Variants in PRMT2 observed in about 807,000 individuals in gnomAD.
The protein encoded by PRMT2 is protein arginine N-methyltransferase 2.
Under a neutral mutation model 57.6 loss-of-function variants are expected in PRMT2, and 26 were observed. The ratio of observed to expected loss-of-function variants is 0.45; its 90% confidence interval spans 0.33 to 0.63. PRMT2 has a LOEUF of 0.63. PRMT2 is among the 20% of genes least tolerant of loss of function. The probability of loss-of-function intolerance (pLI) is 0.02; values close to 1 mark genes in which losing one functional copy is unlikely to be tolerated. For synonymous variants in PRMT2, 219 were observed against 220.0 expected (o/e 1.00, Z 0.04); for missense variants, 472 against 564.4 (o/e 0.84, Z 1.66).
In PRMT2 at chr21:46,649,412, T is replaced by G; in HGVS notation, c.490-163T>G. The stretch of plus-strand genomic sequence containing the variant: ...GAGGCGGCTCCTTTCTGGGTGCCCC[T>G]GGAGGGGCAGGTGTGGCCAGTCCTC... On this transcript the variant is annotated intron_variant, in intron 6 of 11. Coordinates refer to ENST00000355680, the MANE Select transcript of PRMT2 (RefSeq NM_206962.4). The surrounding 1 kb of genome is among the most constrained non-coding windows in gnomAD (Gnocchi z 4.8). 8.9e-7 allele frequency: 1 copy of G among 1,120,992 alleles called. No homozygotes were observed. The highest frequency in any genetic ancestry group is 1.3e-5 in the South Asian group (1 of 77,628). The allele number at this position is 1,120,992 out of a possible 1,614,324, so 69.4% of individuals were successfully genotyped here.
intron 7 of PRMT2, among the ~76,000 whole-genome samples, chr21:46,650,351 C>G (rs1321694897): frequency 6.6e-6 from 1 of 152,144 alleles, no homozygotes. Flanking sequence ...GCATCCCAAC[C>G]TGAAACTTTG....
rs780813868 is a variant in PRMT2 at position 46,648,431 on chromosome 21, G to C, written c.328-27G>C. On this transcript the variant is annotated intron_variant, in intron 5 of 11. Coordinates refer to ENST00000355680, the MANE Select transcript of PRMT2 (RefSeq NM_206962.4). This position sits in a 1 kb window ranked among gnomAD's most constrained non-coding sequence, Gnocchi z 4.8. ...TCAGCATGGCTCTAGGTCACAGGCA[G>C]TGATTCTGAATGTGCATTTCTTCCA... is the stretch of plus-strand genomic sequence containing the variant. The C allele has an allele frequency of 6.2e-7, 1 of 1,612,140 alleles. No homozygotes were observed. Among genetic ancestry groups the C allele is most frequent in the Admixed American group, 1.7e-5 (1 of 59,986 alleles).
chr21:46,662,906 C>T (rs920826541), intron 10 of PRMT2, among the ~76,000 whole-genome samples: 2 of 152,200 alleles, frequency 1.3e-5, no homozygotes, highest in African/African-American at 4.8e-5. Flanking sequence ...CACAGTTTAA[C>T]AGCAGGAGCT....
chr21:46,640,297 A>C lies in PRMT2; in HGVS notation c.40-3238A>C, dbSNP rs547966812. Among the ~76,000 whole-genome samples the C allele has an allele frequency of 2.6e-3, 402 of 152,030 alleles. 2 individuals are homozygous for C. Among genetic ancestry groups the C allele is most frequent in the African/African-American group, 9.1e-3 (376 of 41,498 alleles). ...TCTTTTTTATGTTTCCCCACATATTATTTGCCTTTTTTGAGGTCTTTCCCT... is the reference window on the plus strand; with the variant it reads ...TCTTTTTTATGTTTCCCCACATATTCTTTGCCTTTTTTGAGGTCTTTCCCT... On this transcript the variant is annotated intron_variant, in intron 3 of 11. Transcript: ENST00000355680.
At chr21:46,653,769 C>G (rs2061498023) in intron 7 of PRMT2, 20 of 1,153,394 alleles carry the variant, frequency 1.7e-5, no homozygotes, top group Non-Finnish European at 2.2e-5. Flanking sequence ...AAGCTTGCCT[C>G]ATACAAAGTA....
intron 7 of PRMT2, chr21:46,657,474 G>C (rs1215316885): frequency 6.6e-6 from 1 of 152,110 alleles, no homozygotes; most frequent in Non-Finnish European, 1.5e-5. Context: ...GAATACCACT[G>C]AGCAGTGAAG....
chr21:46,643,026 C>CA (rs112297697), intron 3 of PRMT2, among the ~76,000 whole-genome samples: 1,833 of 145,864 alleles, frequency 0.013, 35 homozygotes, highest in African/African-American at 0.042. Context: ...GACTCTGTCT[C>CA]AAAAAAAAAA....
At chr21:46,647,301 T>C (rs1383201402) in intron 5 of PRMT2, among the ~76,000 whole-genome samples, 3 of 152,226 alleles carry the variant, frequency 2.0e-5, no homozygotes, top group African/African-American at 7.2e-5. Context: ...TTAAGTAATT[T>C]AGCCTGAATT....
intron 7 of PRMT2, chr21:46,653,393 G>C (rs1015542414): frequency 1.0e-6 from 1 of 985,422 alleles, no homozygotes; most frequent in African/African-American, 1.7e-5. Flanking sequence ...CATATTTATA[G>C]AATGTGTGGT....
chr21:46,649,794 G>A lies in PRMT2; in HGVS notation c.654+55G>A, dbSNP rs769651453. The A allele has an allele frequency of 1.3e-5, 21 of 1,575,612 alleles. No homozygotes were observed. The highest frequency in any genetic ancestry group is 1.1e-4 in the South Asian group (10 of 87,162). On this transcript the variant is annotated intron_variant, in intron 7 of 11. Coordinates refer to ENST00000355680, the MANE Select transcript of PRMT2 (RefSeq NM_206962.4). The surrounding 1 kb of genome is among the most constrained non-coding windows in gnomAD (Gnocchi z 4.8). ...CCGGAGCTGGGGGGCTTCTGAGCAC[G>A]GGCTCGGCTGGGCCAACCTCAGGAT...
rs538271987 is a variant in PRMT2 at position 46,658,527 on chromosome 21, A to G, written c.655-218A>G. 6 of 692,152 alleles carry G rather than the reference A, an allele frequency of 8.7e-6. No individual in the cohort carries two copies. The South Asian group carries it at 9.1e-5, about 10-fold the overall frequency. The allele number at this position is 692,152 out of a possible 1,614,324, so 42.9% of individuals were successfully genotyped here. A position where few individuals can be genotyped will look rare whatever the true frequency, so the allele number is the denominator to read the frequency against. ...CAGTTCATAGTTCTAATGGGAAATT[A>G]TGTGACTTAAACCCAGGCTGTGAGA... On this transcript the variant is annotated intron_variant, in intron 7 of 11. Transcript: ENST00000355680.
chr21:46,661,370 G>A (rs563111266), intron 9 of PRMT2: 32 of 166,082 alleles, frequency 1.9e-4, no homozygotes, highest in Non-Finnish European at 3.8e-4. Context: ...GTGGCCGCGC[G>A]GTGGCGCTCG....
chr21:46,648,571 G>A lies in PRMT2; in HGVS notation c.441G>A (p.Gly147=). 1 of 1,614,242 alleles carries A rather than the reference G, an allele frequency of 6.2e-7. No homozygotes were observed. Among genetic ancestry groups the A allele is most frequent in the South Asian group, 1.1e-5 (1 of 91,090 alleles). The change falls in exon 6 of 12, where the codon GGG becomes GGA. Residue 147 remains glycine (G), a synonymous_variant. Coordinates refer to ENST00000355680, the MANE Select transcript of PRMT2 (RefSeq NM_206962.4). This position sits in a 1 kb window ranked among gnomAD's most constrained non-coding sequence, Gnocchi z 4.8. ...AAGTCATCCTGGACGTGGGCTGTGG[G>A]ACTGGGATCATCAGTCTCTTCTGTG... ...TDKVILDVGC[G]TGIISLFCAH...
intron 3 of PRMT2, 21 bp from the exon 4 acceptor site, chr21:46,643,514 G>C: frequency 6.7e-7 from 1 of 1,492,728 alleles, no homozygotes; most frequent in Non-Finnish European, 8.9e-7. Context: ...CTCTCCTCAC[G>C]CTTTCCTTGG....
At chr21:46,661,079 A>G in intron 9 of PRMT2, 117 bp downstream of exon 9, 3 of 1,009,812 alleles carry the variant, frequency 3.0e-6, no homozygotes, top group Non-Finnish European at 4.2e-6. Context: ...GTGAATAACT[A>G]ATTATTTTAT....
intron 7 of PRMT2, chr21:46,650,017 A>T (rs1601935763): frequency 1.4e-6 from 2 of 1,382,266 alleles, no homozygotes; most frequent in East Asian, 5.0e-5. Context: ...ATCTGTAAAA[A>T]TCCTGTGCCT....
chr21:46,649,933 T>A lies in PRMT2; in HGVS notation c.654+194T>A. The A allele has an allele frequency of 6.9e-7, 1 of 1,449,786 alleles. No homozygotes were observed. Among genetic ancestry groups the A allele is most frequent in the Non-Finnish European group, 9.1e-7 (1 of 1,098,396 alleles). The allele number at this position is 1,449,786 out of a possible 1,614,324, so 89.8% of individuals were successfully genotyped here. On this transcript the variant is annotated intron_variant, in intron 7 of 11. Transcript: ENST00000355680. This position sits in a 1 kb window ranked among gnomAD's most constrained non-coding sequence, Gnocchi z 4.8. ...ATTTTCACCTGATTTAAAAAATGCC[T>A]TTATGAGAAATTTAAGTCAAAGTTC... is the stretch of plus-strand genomic sequence containing the variant.
chr21:46,656,040 G>A (rs1244074344), intron 7 of PRMT2, among the ~76,000 whole-genome samples: 1 of 152,080 alleles, frequency 6.6e-6, no homozygotes, highest in African/African-American at 2.4e-5. Flanking sequence ...TGGGAGGTGG[G>A]GCCTAGTGGG....
chr21:46,645,315 CTTAGGTCAG>C (rs1555930179), intron 5 of PRMT2, among the ~76,000 whole-genome samples: 6 of 151,932 alleles, frequency 3.9e-5, no homozygotes, highest in East Asian at 1.9e-4. Flanking sequence ...AATAATACTA[CTTAGGTCAG>C]GTGTGGTGGC....
Sources: gnomAD v4.1 joint callset for allele counts (sites outside exome capture counted in the v4.1 genomes callset) on GRCh38, gnomAD v4.1.1 for gene constraint, Gnocchi (gnomAD v3.1) non-coding constraint, MANE v1.5 for transcripts, NCBI Gene and HGNC (gene_info 2026-07-23, HGNC 2026-07-21) for gene names.